STAT4: variants seen among roughly 807,000 people sequenced by gnomAD.
The protein encoded by STAT4 is signal transducer and activator of transcription 4.
STAT4 carries 42 observed loss-of-function variants against 110.5 expected under a neutral mutation model. The ratio of observed to expected loss-of-function variants is 0.38; its 90% CI spans 0.30 to 0.49. STAT4 has a LOEUF of 0.49. Among genes scored for constraint, STAT4 ranks in the 20% least tolerant of loss-of-function variants. STAT4 has a pLI of 0.95. For missense variants in STAT4, 632 were observed against 887.9 expected (o/e 0.71, Z 3.66); for synonymous variants, 284 against 302.2 (o/e 0.94, Z 0.63).
At position 191,150,979 on chromosome 2, in the gene STAT4, G is replaced by A; in HGVS notation, c.-34C>T. On this transcript the variant is annotated 5_prime_UTR_variant, in exon 1 of 24. Coordinates refer to ENST00000392320, the MANE Select transcript of STAT4 (RefSeq NM_003151.4). This position sits in a 1 kb window ranked among gnomAD's most constrained non-coding sequence, Gnocchi z 6.4. ...TCTCTCAGCACAGGTCCCAGGCAGT[G>A]CTCAAGTCCAAAGTCAGAAGCGCCC... The A allele has an allele frequency of 3.0e-6, 3 of 985,698 alleles. No homozygotes were observed. The highest frequency in any genetic ancestry group is 3.6e-6 in the Non-Finnish European group (3 of 830,092). The allele number at this position is 985,698 out of a possible 1,614,324, so 61.1% of individuals were successfully genotyped here.
rs1195037124 is a variant in STAT4, at chr2:191,135,283, AAGCTGGAAAACCT to A, written c.273+11317_273+11329del. Among the ~76,000 whole-genome samples the A allele has an allele frequency of 6.6e-6, 1 of 152,178 alleles. No individual in the cohort carries two copies. The highest frequency in any genetic ancestry group is 1.9e-4 in the East Asian group (1 of 5,200). ...AGACAATTATGAAAAATACACTAAC[AAGCTGGAAAACCT>A]AGAAGAAATGGATAAATTCCTGGAC... On this transcript the variant is annotated intron_variant, in intron 3 of 23. Coordinates refer to ENST00000392320, the MANE Select transcript of STAT4 (RefSeq NM_003151.4). The surrounding 1 kb of genome is among the most constrained non-coding windows in gnomAD (Gnocchi z 4.8).
chr2:191,119,972 T>C (rs886396774), intron 3 of STAT4, among the ~76,000 whole-genome samples: 4 of 152,180 alleles, frequency 2.6e-5, no homozygotes, highest in Non-Finnish European at 5.9e-5. Flanking sequence ...ATTAGCCTTT[T>C]GGCTAAGGTC....
intron 3 of STAT4, among the ~76,000 whole-genome samples, chr2:191,122,944 A>G (rs1698779487): frequency 6.6e-6 from 1 of 152,222 alleles, no homozygotes; most frequent in Non-Finnish European, 1.5e-5. Context: ...GAGCTATACA[A>G]TTAAACTTTG....
rs1282129850 is a variant in STAT4 at position 191,091,813 on chromosome 2, C to T, written c.274-15488G>A. Reference sequence around the variant, plus strand: ...AACTTTAAGCCGGTATTCACTTTGACTCCAGAGTGTTGACTTACTTTTAAC... The same window carrying T: ...AACTTTAAGCCGGTATTCACTTTGATTCCAGAGTGTTGACTTACTTTTAAC... On this transcript the variant is annotated intron_variant, in intron 3 of 23. Coordinates refer to ENST00000392320, the MANE Select transcript of STAT4 (RefSeq NM_003151.4). The surrounding 1 kb of genome is among the most constrained non-coding windows in gnomAD (Gnocchi z 5.4). Among the ~76,000 whole-genome samples the T allele has an allele frequency of 6.6e-6, 1 of 152,134 alleles. No individual in the cohort carries two copies. Among genetic ancestry groups the T allele is most frequent in the Non-Finnish European group, 1.5e-5 (1 of 68,038 alleles).
chr2:191,121,149 C>T (rs1355829704), intron 3 of STAT4, among the ~76,000 whole-genome samples: 2 of 152,214 alleles, frequency 1.3e-5, no homozygotes, highest in Admixed American at 6.5e-5. Context: ...GACATTTATG[C>T]AGCCAACAGA....
At chr2:191,100,094 G>A (rs1258474115) in intron 3 of STAT4, among the ~76,000 whole-genome samples, 2 of 151,998 alleles carry the variant, frequency 1.3e-5, no homozygotes, top group South Asian at 2.1e-4. Flanking sequence ...TACATAATGT[G>A]CAAAAATTAG....
chr2:191,030,904 G>T lies in STAT4; in HGVS notation c.2220+68C>A. The T allele has an allele frequency of 6.9e-7, 1 of 1,446,888 alleles. No individual in the cohort carries two copies. Among genetic ancestry groups the T allele is most frequent in the Non-Finnish European group, 9.7e-7 (1 of 1,030,966 alleles). The allele number at this position is 1,446,888 out of a possible 1,614,324, so 89.6% of individuals were successfully genotyped here. A position where few individuals can be genotyped will look rare whatever the true frequency, so the allele number is the denominator to read the frequency against. ...ACCCAGGCAGTATTTCAGCCCCTTT[G>T]ATTCACACACCACCTTTGCATCGTT... On this transcript the variant is annotated intron_variant, in intron 23 of 23. Coordinates refer to ENST00000392320, the MANE Select transcript of STAT4 (RefSeq NM_003151.4). This position sits in a 1 kb window ranked among gnomAD's most constrained non-coding sequence, Gnocchi z 4.4.
chr2:191,092,527 A>G (rs1006182298), intron 3 of STAT4, among the ~76,000 whole-genome samples: 1 of 151,616 alleles, frequency 6.6e-6, no homozygotes, highest in African/African-American at 2.4e-5. Context: ...AAAAAAAAAA[A>G]GAATTCTAAG....
At chr2:191,136,895 A>C (rs1699194080) in intron 3 of STAT4, among the ~76,000 whole-genome samples, 1 of 152,248 alleles carries the variant, frequency 6.6e-6, no homozygotes, top group South Asian at 2.1e-4. Context: ...AAAAATCAGT[A>C]GCATTTCCAT....
chr2:191,118,703 A>C (rs923206965), intron 3 of STAT4, among the ~76,000 whole-genome samples: 2 of 152,170 alleles, frequency 1.3e-5, no homozygotes, highest in African/African-American at 4.8e-5. Flanking sequence ...TCTATGTGAG[A>C]ATTTCTGTAG....
In STAT4 at chr2:191,115,120, T is replaced by C. The variant is rs572316040; in HGVS notation, c.273+31493A>G. On this transcript the variant is annotated intron_variant, in intron 3 of 23. Transcript: ENST00000392320. The stretch of plus-strand genomic sequence containing the variant: ...CAATTCTACCAACACTTATGGAGGG[T>C]CTGCTATATGCCACACACTGTGCTG... 1.1e-4 allele frequency among the ~76,000 whole-genome samples: 16 copies of C among 152,186 alleles called. No homozygotes were observed. In the South Asian group the frequency reaches 3.3e-3, roughly 32 times the overall value.
chr2:191,124,273 G>A (rs953571669), intron 3 of STAT4, among the ~76,000 whole-genome samples: 20 of 151,976 alleles, frequency 1.3e-4, no homozygotes, highest in African/African-American at 3.9e-4. Flanking sequence ...TGGCCAACAT[G>A]GTGAAACCCC....
At chr2:191,151,539 C>T, upstream of STAT4, 1 of 985,544 alleles carries the variant, frequency 1.0e-6, no homozygotes, top group Non-Finnish European at 1.2e-6. The surrounding 1 kb of genome is among the most constrained non-coding windows in gnomAD (Gnocchi z 4.7). Context: ...GGTAGGCCAC[C>T]AGTGCTTGCC....
chr2:191,030,914 CCACCTTTGCATCGTTGGAAA>C lies in STAT4; in HGVS notation c.2220+38_2220+57del. 1 of 1,509,592 alleles carries C rather than the reference CCACCTTTGCATCGTTGGAAA, an allele frequency of 6.6e-7. No individual in the cohort carries two copies. 93.5% of individuals were successfully genotyped at this position (1,509,592 alleles called of 1,614,324 possible). On this transcript the variant is annotated intron_variant, in intron 23 of 23. Coordinates refer to ENST00000392320, the MANE Select transcript of STAT4 (RefSeq NM_003151.4). The surrounding 1 kb of genome is among the most constrained non-coding windows in gnomAD (Gnocchi z 4.4). ...TATTTCAGCCCCTTTGATTCACACA[CCACCTTTGCATCGTTGGAAA>C]CACCTTTGACCAGCAATGGAAAATA... is the stretch of plus-strand genomic sequence containing the variant.
At position 191,146,098 on chromosome 2, in the gene STAT4, A is replaced by T. The variant is rs573747901; in HGVS notation, c.273+515T>A. 3.5e-4 allele frequency among the ~76,000 whole-genome samples: 54 copies of T among 152,350 alleles called. No individual in the cohort carries two copies. Among genetic ancestry groups the T allele is most frequent in the African/African-American group, 1.2e-3 (51 of 41,580 alleles). On this transcript the variant is annotated intron_variant, in intron 3 of 23. Transcript: ENST00000392320. The surrounding 1 kb of genome is among the most constrained non-coding windows in gnomAD (Gnocchi z 4.5). Reference sequence around the variant, plus strand: ...TGTCGAATATACTAAATGCCACAGTATCGATGTGTTCTGGTGCTGAGGAAA... The same window carrying T: ...TGTCGAATATACTAAATGCCACAGTTTCGATGTGTTCTGGTGCTGAGGAAA...
upstream of STAT4, chr2:191,151,250 G>A (rs1390167979): frequency 1.0e-6 from 1 of 985,478 alleles, no homozygotes; most frequent in East Asian, 1.1e-4. This position sits in a 1 kb window ranked among gnomAD's most constrained non-coding sequence, Gnocchi z 4.7. Flanking sequence ...GCTCAGCAGT[G>A]CCAGGAAAAA....
At chr2:191,036,395 A>T in intron 16 of STAT4, 96 bp from the exon 17 acceptor site, 2 of 1,285,862 alleles carry the variant, frequency 1.6e-6, no homozygotes, top group Non-Finnish European at 2.2e-6. Context: ...CTCTCCCCAC[A>T]CACATACTAG....
At chr2:191,055,597 C>T (rs926266316) in intron 13 of STAT4, among the ~76,000 whole-genome samples, 1 of 151,866 alleles carries the variant, frequency 6.6e-6, no homozygotes, top group Non-Finnish European at 1.5e-5. Flanking sequence ...CTGTGATCCA[C>T]CCTCCTCGGC....
At chr2:191,074,374 C>G (rs1050245029) in intron 4 of STAT4, among the ~76,000 whole-genome samples, 2 of 152,222 alleles carry the variant, frequency 1.3e-5, no homozygotes, top group Admixed American at 6.5e-5. Context: ...GTATACCACA[C>G]TCTTACAATT....
Sources: gnomAD v4.1 joint callset for allele counts (sites outside exome capture counted in the v4.1 genomes callset) on GRCh38, gnomAD v4.1.1 for gene constraint, Gnocchi (gnomAD v3.1) non-coding constraint, MANE v1.5 for transcripts, NCBI Gene and HGNC (gene_info 2026-07-23, HGNC 2026-07-21) for gene names.